CCDC171: variants seen among roughly 807,000 people sequenced by gnomAD.
CCDC171 encodes the protein coiled-coil domain containing 171.
Under a neutral mutation model 168.2 loss-of-function variants are expected in CCDC171, and 177 were observed. That is an observed-to-expected ratio of 1.05 (90% CI 0.93 to 1.19). The LOEUF is 1.19. CCDC171 is among the 50% of genes most tolerant of loss of function. The pLI is 0.00. For missense variants in CCDC171, 1,991 were observed against 1,539.0 expected, an observed-to-expected ratio of 1.29 and a Z score of -4.91; for synonymous variants, 687 against 540.8, an observed-to-expected ratio of 1.27 and a Z score of -3.75.
chr9:15,574,232 C>T (rs1420167676), intron 3 of CCDC171, among the ~76,000 whole-genome samples: 1 of 151,892 alleles, frequency 6.6e-6, no homozygotes, highest in Non-Finnish European at 1.5e-5. Context: ...GCAACCTCTG[C>T]CTCCCAGGTT....
At chr9:15,691,605 G>GT (rs1361388432) in intron 10 of CCDC171, among the ~76,000 whole-genome samples, 1 of 138,150 alleles carries the variant, frequency 7.2e-6, no homozygotes, top group Non-Finnish European at 1.5e-5. Flanking sequence ...TAAATACTGT[G>GT]TTTTTTAAGG....
intron 21 of CCDC171, among the ~76,000 whole-genome samples, chr9:15,833,846 A>G (rs760614647): frequency 6.6e-6 from 1 of 152,216 alleles, no homozygotes; most frequent in Non-Finnish European, 1.5e-5. Flanking sequence ...AGATGAGGAA[A>G]CAAAGGTATA....
chr9:15,717,133 A>G (rs2053141998), intron 11 of CCDC171, among the ~76,000 whole-genome samples: 1 of 152,232 alleles, frequency 6.6e-6, no homozygotes, highest in African/African-American at 2.4e-5. Flanking sequence ...CCACTCTTCC[A>G]TGCCCCAGCA....
chr9:15,791,271 C>G (rs1046957931), intron 21 of CCDC171, among the ~76,000 whole-genome samples: 58 of 152,012 alleles, frequency 3.8e-4, no homozygotes, highest in African/African-American at 1.2e-3. Context: ...CTTTTATTTC[C>G]TTGAGCAGTG....
intron 18 of CCDC171, among the ~76,000 whole-genome samples, chr9:15,748,262 C>G (rs192854878): frequency 1.8e-4 from 28 of 151,870 alleles, no homozygotes; most frequent in African/African-American, 6.8e-4. Context: ...AACGAGAAGA[C>G]AAGATTAGAG....
chr9:16,004,219 A>G (rs1018819651), intron 3 of CCDC171, among the ~76,000 whole-genome samples: 4 of 152,212 alleles, frequency 2.6e-5, no homozygotes, highest in Non-Finnish European at 5.9e-5. Flanking sequence ...AACACAAGCC[A>G]ATAGTGAAGG....
chr9:15,722,121 T>G (rs1254701924), intron 12 of CCDC171, among the ~76,000 whole-genome samples: 1 of 152,242 alleles, frequency 6.6e-6, no homozygotes, highest in African/African-American at 2.4e-5. Context: ...TATCACTTCT[T>G]GATCTTCATA....
In CCDC171 at chr9:15,779,155, G is replaced by T. The variant is rs377434671; in HGVS notation, c.3081+5G>T. On this transcript the variant is annotated splice_donor_5th_base_variant and intron_variant, in intron 20 of 25. Transcript: ENST00000380701. ...TTAAATGAATTTAAGCAGTCTGTAA[G>T]TATATATCATTTAGGAAACTGTTGC... 11 of 1,484,234 alleles carry T rather than the reference G, an allele frequency of 7.4e-6. No homozygotes were observed. Among genetic ancestry groups the T allele is most frequent in the Non-Finnish European group, 9.9e-6 (11 of 1,111,234 alleles). The allele number at this position is 1,484,234 out of a possible 1,614,324, so 91.9% of individuals were successfully genotyped here.
At chr9:15,560,054 T>C (rs183693884) in intron 1 of CCDC171, among the ~76,000 whole-genome samples, 2 of 152,312 alleles carry the variant, frequency 1.3e-5, no homozygotes, top group African/African-American at 4.8e-5. Context: ...ATGTTGAATA[T>C]TGGCCCTCAC....
chr9:15,736,620 G>C (rs979068736), intron 16 of CCDC171, among the ~76,000 whole-genome samples: 2 of 151,820 alleles, frequency 1.3e-5, no homozygotes, highest in Non-Finnish European at 2.9e-5. Flanking sequence ...CCAAAGTGTT[G>C]GAATTACAAA....
rs538063550 is a variant in CCDC171 at position 15,872,081 on chromosome 9, A to G, written c.3469-2451A>G. ...GTATTTGTGATATTGCATCTATTAT[A>G]TATCATGGGTCTCTCACTCTTGATG... On this transcript the variant is annotated intron_variant, in intron 23 of 25. Transcript: ENST00000380701. 7.2e-5 allele frequency among the ~76,000 whole-genome samples: 11 copies of G among 152,124 alleles called. 1 individual carries two copies. The South Asian group carries it at 2.3e-3, about 31-fold the overall frequency.
At chr9:15,864,186 C>T (rs967773987) in intron 23 of CCDC171, among the ~76,000 whole-genome samples, 1 of 151,950 alleles carries the variant, frequency 6.6e-6, no homozygotes, top group Non-Finnish European at 1.5e-5. Context: ...TTTTATGGAA[C>T]GACTAGCTTT....
chr9:15,744,423 A>G lies in CCDC171; in HGVS notation c.2200A>G (p.Met734Val). The stretch of plus-strand genomic sequence containing the variant: ...GTCCTTGCTGGCAGCCTGTGCATTA[A>G]TGGCTGGTGCCTTATATCCCCTCTA... ...QMSLLAACAL[M>V]AGALYPLYSR... The change falls in exon 17 of 26, where the codon ATG becomes GTG. Residue 734 changes from methionine to valine, a missense_variant. By Grantham distance (21) the Met-to-Val change is conservative. Coordinates refer to ENST00000380701, the MANE Select transcript of CCDC171 (RefSeq NM_173550.4). 1 of 1,614,162 alleles carries G rather than the reference A, an allele frequency of 6.2e-7. No homozygotes were observed. The highest frequency in any genetic ancestry group is 1.1e-5 in the South Asian group (1 of 91,084).
chr9:15,751,501 G>A (rs1235560054), intron 18 of CCDC171, among the ~76,000 whole-genome samples: 6 of 152,142 alleles, frequency 3.9e-5, no homozygotes, highest in Admixed American at 2.0e-4. Flanking sequence ...AGCTGGAGGT[G>A]TCAGGCTGCC....
At position 15,623,264 on chromosome 9, in the gene CCDC171, C is replaced by T. The variant is rs754193297; in HGVS notation, c.676-3C>T. On this transcript the variant is annotated splice_region_variant and splice_polypyrimidine_tract_variant and intron_variant, in intron 6 of 25. Coordinates refer to ENST00000380701, the MANE Select transcript of CCDC171 (RefSeq NM_173550.4). ...ATTGATGCAAAAATGAATTATTTTC[C>T]AGGAGCAAGATACTGCTGTGCAAAA... is the stretch of plus-strand genomic sequence containing the variant. 3.2e-6 allele frequency: 5 copies of T among 1,538,896 alleles called. No individual in the cohort carries two copies. The highest frequency in any genetic ancestry group is 4.4e-6 in the Non-Finnish European group (5 of 1,138,616).
chr9:15,885,946 A>G (rs939256801), intron 24 of CCDC171: 2 of 152,212 alleles, frequency 1.3e-5, no homozygotes, highest in Non-Finnish European at 2.9e-5. Context: ...TTCATTATAT[A>G]CATGTATTTG....
At chr9:15,929,507 C>T (rs2132116909) in intron 25 of CCDC171, among the ~76,000 whole-genome samples, 1 of 151,788 alleles carries the variant, frequency 6.6e-6, no homozygotes, top group South Asian at 2.1e-4. Flanking sequence ...AAATAACTGT[C>T]CACCTTGCAG....
intron 1 of CCDC171, among the ~76,000 whole-genome samples, chr9:15,560,964 GGTCT>G (rs2039253068): frequency 6.6e-6 from 1 of 152,148 alleles, no homozygotes; most frequent in Admixed American, 6.5e-5. Context: ...CTCAGCTGCA[GGTCT>G]GTTGGAGTTT....
In CCDC171 at chr9:15,693,610, A is replaced by T. The variant is rs552222597; in HGVS notation, c.1216-1625A>T. 1.2e-3 allele frequency among the ~76,000 whole-genome samples: 190 copies of T among 152,354 alleles called. 2 individuals are homozygous for T. Among genetic ancestry groups the T allele is most frequent in the African/African-American group, 4.5e-3 (186 of 41,586 alleles). On this transcript the variant is annotated intron_variant, in intron 10 of 25. Coordinates refer to ENST00000380701, the MANE Select transcript of CCDC171 (RefSeq NM_173550.4). The stretch of plus-strand genomic sequence containing the variant: ...GAGATGAATGTGATAGAGAGTTGAT[A>T]TAGTCAGGGAGGTAAAGAACAGTTT...
Sources: gnomAD v4.1 joint callset for allele counts (sites outside exome capture counted in the v4.1 genomes callset) on GRCh38, gnomAD v4.1.1 for gene constraint, MANE v1.5 for transcripts, NCBI Gene and HGNC (gene_info 2026-07-23, HGNC 2026-07-21) for gene names.